FBN3: variants seen among roughly 807,000 people sequenced by gnomAD.
The protein encoded by FBN3 is fibrillin 3.
Under a neutral mutation model 330.1 loss-of-function variants are expected in FBN3, and 234 were observed. The observed-to-expected ratio is 0.71, with a 90% CI of 0.64 to 0.79. The LOEUF is 0.79. FBN3 is among the 30% of genes least tolerant of loss of function. FBN3 has a pLI of 0.00. For synonymous variants in FBN3, 1,458 were observed against 1,517.3 expected, an observed-to-expected ratio of 0.96 and a Z score of 0.91; for missense variants, 3,606 against 3,886.9, an observed-to-expected ratio of 0.93 and a Z score of 1.92.
intron 61 of FBN3, chr19:8,074,639 G>T (rs547316085): frequency 6.4e-6 from 1 of 156,892 alleles, no homozygotes; most frequent in East Asian, 1.9e-4. Context: ...GAAGGTTGGG[G>T]GGCAGAAGGC....
In FBN3 at chr19:8,135,945, C is replaced by CCCCCA; in HGVS notation, c.1591+15_1591+16insTGGGG. 1 of 488,816 alleles carries CCCCCA rather than the reference C, an allele frequency of 2.0e-6. No homozygotes were observed. Among genetic ancestry groups the CCCCCA allele is most frequent in the African/African-American group, 1.9e-5 (1 of 52,248 alleles). 30.3% of individuals were successfully genotyped at this position (488,816 alleles called of 1,614,324 possible). A position where few individuals can be genotyped will look rare whatever the true frequency, so the allele number is the denominator to read the frequency against. ...GGGCCCGGAAGCCCCTGCCCACCCGCCCACCCCCAACTCACCCACACAGTT... is the reference window on the plus strand; with the variant it reads ...GGGCCCGGAAGCCCCTGCCCACCCGCCCCCACCACCCCCAACTCACCCACACAGTT... On this transcript the variant is annotated intron_variant, in intron 13 of 63. Transcript: ENST00000600128.
chr19:8,105,191 G>C (rs960955621), intron 38 of FBN3, among the ~76,000 whole-genome samples: 2 of 151,614 alleles, frequency 1.3e-5, no homozygotes, highest in Non-Finnish European at 2.9e-5. Context: ...CTGACCTCGT[G>C]ATCTGCCCAC....
chr19:8,138,299 T>G lies in FBN3; in HGVS notation c.1043A>C (p.Gln348Pro). The change falls in exon 10 of 64, where the codon CAG becomes CCG. Residue 348 changes from glutamine (Q) to proline (P), a missense_variant. Physicochemically the swap from Gln to Pro is moderately conservative, Grantham distance 76. Transcript: ENST00000600128. ...GTGGCCGGGTAGCAGCGGCAGCCGCTGGGCGCACAGTTGCTGGAATTCATC... is the reference window on the plus strand; with the variant it reads ...GTGGCCGGGTAGCAGCGGCAGCCGCGGGGCGCACAGTTGCTGGAATTCATC... ...GSNEFQQLCA[Q>P]RLPLLPGHPG... 6.2e-7 allele frequency: 1 copy of G among 1,613,258 alleles called. No individual in the cohort carries two copies. Among genetic ancestry groups the G allele is most frequent in the Non-Finnish European group, 8.5e-7 (1 of 1,179,748 alleles).
chr19:8,079,989 G>A (rs1217098490), intron 59 of FBN3, among the ~76,000 whole-genome samples: 1 of 152,174 alleles, frequency 6.6e-6, no homozygotes, highest in Non-Finnish European at 1.5e-5. Context: ...TATGTTTGTT[G>A]CTGTACCCCC....
rs1391010214 is a variant in FBN3 at position 8,066,040 on chromosome 19, G to C, written c.8309C>G (p.Pro2770Arg). 4 of 1,613,160 alleles carry C rather than the reference G, an allele frequency of 2.5e-6. No homozygotes were observed. Among genetic ancestry groups the C allele is most frequent in the Non-Finnish European group, 3.4e-6 (4 of 1,179,986 alleles). The change falls in exon 64 of 64, where the codon CCT becomes CGT. Residue 2770 changes from proline (P) to arginine (R), a missense_variant. Coordinates refer to ENST00000600128, the MANE Select transcript of FBN3 (RefSeq NM_032447.5). ...SLQLGRRRPG[P>R]GTYRLEVVSH... ...CACCACCTCCAGCCGGTAGGTTCCA[G>C]GCCCCGGCCGCCTCCGCCCCAGCTG... is the stretch of plus-strand genomic sequence containing the variant.
intron 26 of FBN3, among the ~76,000 whole-genome samples, chr19:8,118,026 A>G (rs1041563732): frequency 6.6e-6 from 1 of 151,774 alleles, no homozygotes; most frequent in African/African-American, 2.4e-5. Context: ...ACACACAGAC[A>G]CACAAACACC....
chr19:8,090,863 T>A lies in FBN3; in HGVS notation c.6031+602A>T, dbSNP rs555719198. Among the ~76,000 whole-genome samples the A allele has an allele frequency of 3.9e-5, 6 of 152,196 alleles. No individual in the cohort carries two copies. The South Asian group carries it at 1.0e-3, about 26-fold the overall frequency. On this transcript the variant is annotated intron_variant, in intron 48 of 63. Coordinates refer to ENST00000600128, the MANE Select transcript of FBN3 (RefSeq NM_032447.5). Reference sequence around the variant, plus strand: ...GGTGTTCTCATGCCAGGAAGAAAGATCAAACTTGGTGGTTACTCTTGGATC... The same window carrying A: ...GGTGTTCTCATGCCAGGAAGAAAGAACAAACTTGGTGGTTACTCTTGGATC...
intron 37 of FBN3, among the ~76,000 whole-genome samples, chr19:8,107,766 A>G (rs1599358870): frequency 6.8e-6 from 1 of 146,918 alleles, no homozygotes; most frequent in Admixed American, 6.9e-5. Context: ...GGCTGGATGG[A>G]AGGATGTATG....
rs9749294 is a variant in FBN3 at position 8,136,347 on chromosome 19, G to A, written c.1346-38C>T. 791 of 1,606,340 alleles carry A rather than the reference G, an allele frequency of 4.9e-4. 1 individual carries two copies. In the African/African-American group the frequency reaches 9.7e-3, roughly 20 times the overall value. On this transcript the variant is annotated intron_variant, in intron 11 of 63. Transcript: ENST00000600128. The stretch of plus-strand genomic sequence containing the variant: ...GACCCTGAGCCCTAGCACGAGCAGG[G>A]CAGTGAGAACCGCCCCCCCTTCCAC...
intron 41 of FBN3, 50 bp downstream of exon 41, chr19:8,100,851 A>C: frequency 4.0e-6 from 6 of 1,483,884 alleles, no homozygotes; most frequent in Non-Finnish European, 4.7e-6. Context: ...GGGAGGAAGC[A>C]GACCCAGGTG....
chr19:8,135,948 A>ACCCCCCCCCCCCCCCCCCCC lies in FBN3; in HGVS notation c.1591+12_1591+13insGGGGGGGGGGGGGGGGGGGG. 1 of 146,046 alleles carries ACCCCCCCCCCCCCCCCCCCC rather than the reference A, an allele frequency of 6.8e-6. No individual in the cohort carries two copies. The highest frequency in any genetic ancestry group is 1.3e-5 in the Non-Finnish European group (1 of 77,338). The allele number at this position is 146,046 out of a possible 1,614,324, so 9.0% of individuals were successfully genotyped here. ...CCCGGAAGCCCCTGCCCACCCGCCCACCCCCAACTCACCCACACAGTTCTT... is the reference window on the plus strand; with the variant it reads ...CCCGGAAGCCCCTGCCCACCCGCCCACCCCCCCCCCCCCCCCCCCCCCCCCAACTCACCCACACAGTTCTT... On this transcript the variant is annotated intron_variant, in intron 13 of 63. Coordinates refer to ENST00000600128, the MANE Select transcript of FBN3 (RefSeq NM_032447.5).
Position 8,131,419 on chromosome 19 carries a change from A to T in FBN3, c.1991-131T>A. On this transcript the variant is annotated intron_variant, in intron 15 of 63. Transcript: ENST00000600128. The surrounding 1 kb of genome is among the most constrained non-coding windows in gnomAD (Gnocchi z 4.5). ...CTAAGACACAACTCCAACCCCGGGG[A>T]GGGAGCAACTCCCTTCAGCCTCTTT... is the stretch of plus-strand genomic sequence containing the variant. 6 of 1,443,272 alleles carry T rather than the reference A, an allele frequency of 4.2e-6. No individual in the cohort carries two copies. Among genetic ancestry groups the T allele is most frequent in the Non-Finnish European group, 5.7e-6 (6 of 1,048,612 alleles). The allele number at this position is 1,443,272 out of a possible 1,614,324, so 89.4% of individuals were successfully genotyped here. A position where few individuals can be genotyped will look rare whatever the true frequency, so the allele number is the denominator to read the frequency against.
At position 8,129,050 on chromosome 19, in the gene FBN3, C is replaced by T. The variant is rs1426761989; in HGVS notation, c.2274G>A (p.Trp758Ter). Residue 758 changes from tryptophan (W) to a stop codon, truncating the protein, a stop_gained, in exon 18 of 64, where the codon TGG (tryptophan) becomes TGA (stop). Coordinates refer to ENST00000600128, the MANE Select transcript of FBN3 (RefSeq NM_032447.5). LOFTEE classifies it high-confidence loss of function. The surrounding 1 kb of genome is among the most constrained non-coding windows in gnomAD (Gnocchi z 4.5). ...SCSCPPGFHF[W>*]QDTEICKDVD... The stretch of plus-strand genomic sequence containing the variant: ...TACCTTTGCAGATCTCCGTGTCCTG[C>T]CAGAAGTGGAAGCCGGGGGGGCAGG... 1.2e-6 allele frequency: 2 copies of T among 1,613,184 alleles called. No homozygotes were observed. The highest frequency in any genetic ancestry group is 2.7e-5 in the African/African-American group (2 of 74,900).
intron 53 of FBN3, among the ~76,000 whole-genome samples, 180 bp downstream of exon 53, chr19:8,087,645 C>T (rs1375083989): frequency 2.1e-4 from 26 of 121,620 alleles, no homozygotes; most frequent in Admixed American, 1.7e-3. Flanking sequence ...TTGCTCTTGT[C>T]GCCCAGGCTG....
intron 25 of FBN3, among the ~76,000 whole-genome samples, chr19:8,119,545 G>C (rs915279878): frequency 6.6e-6 from 1 of 151,870 alleles, no homozygotes; most frequent in Admixed American, 6.6e-5. Flanking sequence ...ATGGAGTCTC[G>C]CTCTGTTGCC....
At chr19:8,138,671 G>A (rs1374996279) in intron 8 of FBN3, 107 bp from the exon 9 acceptor site, 25 of 1,169,984 alleles carry the variant, frequency 2.1e-5, no homozygotes, top group South Asian at 1.8e-4. Flanking sequence ...TCTGTTTGCC[G>A]CTCTGTGCCT....
In FBN3 at chr19:8,096,800, C is replaced by T; in HGVS notation, c.5413+81G>A. Reference sequence around the variant, plus strand: ...TAATAGTATAGAAAAGGAGAAAGACCTGGACAGAGCCATACCCCATCTAAG... The same window carrying T: ...TAATAGTATAGAAAAGGAGAAAGACTTGGACAGAGCCATACCCCATCTAAG... On this transcript the variant is annotated intron_variant, in intron 43 of 63. Transcript: ENST00000600128. This position sits in a 1 kb window ranked among gnomAD's most constrained non-coding sequence, Gnocchi z 4.6. 6.6e-7 allele frequency: 1 copy of T among 1,513,000 alleles called. No homozygotes were observed. The highest frequency in any genetic ancestry group is 9.0e-7 in the Non-Finnish European group (1 of 1,113,306). 93.7% of individuals were successfully genotyped at this position (1,513,000 alleles called of 1,614,324 possible). A position where few individuals can be genotyped will look rare whatever the true frequency, so the allele number is the denominator to read the frequency against.
chr19:8,148,040 A>G (rs2083592053), intron 1 of FBN3, among the ~76,000 whole-genome samples: 1 of 151,906 alleles, frequency 6.6e-6, no homozygotes, highest in Non-Finnish European at 1.5e-5. Flanking sequence ...GAGATTCCCA[A>G]AGTTCTAGCT....
At chr19:8,088,779 AT>A (rs1383715546) in intron 51 of FBN3, among the ~76,000 whole-genome samples, 54 of 152,346 alleles carry the variant, frequency 3.5e-4, no homozygotes, top group African/African-American at 1.3e-3. Flanking sequence ...GAATGGGTGA[AT>A]GAGCAAGGAG....
Sources: allele counts gnomAD v4.1 joint callset (sites outside exome capture counted in the v4.1 genomes callset), GRCh38; gene constraint gnomAD v4.1.1; non-coding constraint Gnocchi (gnomAD v3.1); transcripts MANE v1.5; gene names NCBI Gene and HGNC (gene_info 2026-07-23, HGNC 2026-07-21).